Variants in KLHL14 observed in about 807,000 individuals in gnomAD.
KLHL14 encodes kelch like family member 14.
Under a neutral mutation model 64.3 loss-of-function variants are expected in KLHL14, and 22 were observed. The ratio of observed to expected loss-of-function variants is 0.34; its 90% CI spans 0.24 to 0.49. KLHL14 has a LOEUF of 0.49. Ranked by LOEUF, KLHL14 falls within the 20% of genes least tolerant of loss-of-function variation. The pLI is 0.99. For synonymous variants in KLHL14, 322 were observed against 333.4 expected (o/e 0.97, Z 0.37); for missense variants, 661 against 789.0 (o/e 0.84, Z 1.94).
At chr18:32,741,121 TA>T (rs1402183180) in intron 3 of KLHL14, among the ~76,000 whole-genome samples, 1 of 152,248 alleles carries the variant, frequency 6.6e-6, no homozygotes, top group Non-Finnish European at 1.5e-5. Context: ...TTATTTTATC[TA>T]TACAGCTCTG....
At chr18:32,765,648 GT>G (rs1336539107) in intron 2 of KLHL14, among the ~76,000 whole-genome samples, 5 of 152,092 alleles carry the variant, frequency 3.3e-5, no homozygotes, top group African/African-American at 1.2e-4. Context: ...CTTTGTTAAG[GT>G]TATTACTCAG....
intron 2 of KLHL14, among the ~76,000 whole-genome samples, chr18:32,756,749 T>C (rs907690349): frequency 2.0e-5 from 3 of 152,220 alleles, no homozygotes; most frequent in African/African-American, 7.2e-5. Context: ...CAATTTTGAA[T>C]ACAACAATGC....
rs79045260 is a variant in KLHL14, at chr18:32,746,306, G to A, written c.948-4257C>T. On this transcript the variant is annotated intron_variant, in intron 2 of 8. Transcript: ENST00000359358. Reference sequence around the variant, plus strand: ...TAGAAAAATGTAAGGTTGCAAAGGCGATGGAATCTGAAGGTCTCCTTTGTT... The same window carrying A: ...TAGAAAAATGTAAGGTTGCAAAGGCAATGGAATCTGAAGGTCTCCTTTGTT... Among the ~76,000 whole-genome samples, 298 of 152,302 alleles carry A rather than the reference G, an allele frequency of 2.0e-3. 1 individual carries two copies. The highest frequency in any genetic ancestry group is 3.7e-3 in the Non-Finnish European group (255 of 68,020).
At chr18:32,748,293 C>T (rs1291083909) in intron 2 of KLHL14, among the ~76,000 whole-genome samples, 1 of 152,052 alleles carries the variant, frequency 6.6e-6, no homozygotes, top group Non-Finnish European at 1.5e-5. Context: ...CGGCTCATTG[C>T]AACCTCTGCC....
intron 2 of KLHL14, among the ~76,000 whole-genome samples, chr18:32,767,366 T>C (rs1164868803): frequency 4.1e-5 from 3 of 73,984 alleles, no homozygotes; most frequent in Non-Finnish European, 1.5e-4. Context: ...AATGCTACCT[T>C]TACTAATAAA....
At chr18:32,676,021 T>C (rs1244531118) in intron 8 of KLHL14, among the ~76,000 whole-genome samples, 1 of 152,186 alleles carries the variant, frequency 6.6e-6, no homozygotes, top group Non-Finnish European at 1.5e-5. Flanking sequence ...AAAATGTTCA[T>C]CATTTTAAAA....
At chr18:32,682,444 G>A (rs1214902670) in intron 5 of KLHL14, among the ~76,000 whole-genome samples, 1 of 152,110 alleles carries the variant, frequency 6.6e-6, no homozygotes, top group Non-Finnish European at 1.5e-5. Flanking sequence ...GACTTAACCA[G>A]GTCCATGTCT....
chr18:32,721,529 T>C (rs954836353), intron 3 of KLHL14, among the ~76,000 whole-genome samples: 9 of 152,334 alleles, frequency 5.9e-5, no homozygotes, highest in Admixed American at 3.3e-4. Context: ...CACTGAGCAT[T>C]TGTTCAGGCT....
intron 3 of KLHL14, among the ~76,000 whole-genome samples, chr18:32,708,598 C>G (rs2050002664): frequency 6.6e-6 from 1 of 152,008 alleles, no homozygotes; most frequent in South Asian, 2.1e-4. Context: ...TCCCTTCTAG[C>G]TGCCCCTTCT....
intron 2 of KLHL14, among the ~76,000 whole-genome samples, chr18:32,757,398 T>C (rs72952003): frequency 0.02 from 3,060 of 152,312 alleles, 45 homozygotes; most frequent in Middle Eastern, 0.088. Context: ...CTTGGTGATA[T>C]GTGTGGTGAA....
At chr18:32,753,282 T>C (rs2050265680) in intron 2 of KLHL14, among the ~76,000 whole-genome samples, 1 of 152,176 alleles carries the variant, frequency 6.6e-6, no homozygotes, top group Non-Finnish European at 1.5e-5. Flanking sequence ...TCTGAAAACC[T>C]GTTACATTCC....
At chr18:32,744,878 A>C (rs952738785) in intron 2 of KLHL14, 3 of 152,200 alleles carry the variant, frequency 2.0e-5, no homozygotes, top group Non-Finnish European at 2.9e-5. Flanking sequence ...TGGACTGACT[A>C]CCAATACAAA....
At chr18:32,733,411 A>AGAGG (rs1228711287) in intron 3 of KLHL14, among the ~76,000 whole-genome samples, 1 of 151,778 alleles carries the variant, frequency 6.6e-6, no homozygotes, top group Non-Finnish European at 1.5e-5. Flanking sequence ...AGAGAGAGAG[A>AGAGG]GAAGGACACA....
At chr18:32,689,893 T>A (rs891465924) in intron 4 of KLHL14, among the ~76,000 whole-genome samples, 1 of 152,078 alleles carries the variant, frequency 6.6e-6, no homozygotes, top group Non-Finnish European at 1.5e-5. Context: ...AAGGAGGCAT[T>A]TGAAAAGACT....
chr18:32,771,797 G>A (rs1205755933), intron 1 of KLHL14, among the ~76,000 whole-genome samples: 3 of 149,848 alleles, frequency 2.0e-5, no homozygotes, highest in Non-Finnish European at 4.5e-5. Context: ...GCTGTCGAAC[G>A]AGCGGGGGGG....
At chr18:32,707,113 G>A (rs1041860302) in intron 3 of KLHL14, among the ~76,000 whole-genome samples, 7 of 152,188 alleles carry the variant, frequency 4.6e-5, no homozygotes, top group Non-Finnish European at 8.8e-5. Flanking sequence ...AAAGCTATGT[G>A]GTGGGTATAG....
chr18:32,706,259 G>A (rs2049989778), intron 3 of KLHL14, among the ~76,000 whole-genome samples: 1 of 152,132 alleles, frequency 6.6e-6, no homozygotes, highest in Non-Finnish European at 1.5e-5. Context: ...ACACATAAGG[G>A]AAATTAAGGT....
chr18:32,698,311 C>G (rs768771917), intron 3 of KLHL14, among the ~76,000 whole-genome samples: 1 of 152,086 alleles, frequency 6.6e-6, no homozygotes, highest in Non-Finnish European at 1.5e-5. Context: ...GGTTTGTACT[C>G]CAGGTTCACA....
rs554443142 is a variant in KLHL14, at chr18:32,772,021, G to A, written c.-44+646C>T. ...GGGGGAGGCGAGGCGAAATCGATACGCCAGGTCCTTAACCTGTAATTGCAC... is the reference window on the plus strand; with the variant it reads ...GGGGGAGGCGAGGCGAAATCGATACACCAGGTCCTTAACCTGTAATTGCAC... On this transcript the variant is annotated intron_variant, in intron 1 of 8. Coordinates refer to ENST00000359358, the MANE Select transcript of KLHL14 (RefSeq NM_020805.3). 1.7e-5 allele frequency: 4 copies of A among 235,746 alleles called. No individual in the cohort carries two copies. In the South Asian group the frequency reaches 2.1e-4, roughly 12 times the overall value. 14.6% of individuals were successfully genotyped at this position (235,746 alleles called of 1,614,324 possible).
Sources: gnomAD v4.1 joint callset for allele counts (sites outside exome capture counted in the v4.1 genomes callset) on GRCh38, gnomAD v4.1.1 for gene constraint, MANE v1.5 for transcripts, NCBI Gene and HGNC (gene_info 2026-07-23, HGNC 2026-07-21) for gene names.